The following ZRANB3 variants were observed in gnomAD, a reference collection of about 807,000 sequenced individuals.
The protein encoded by ZRANB3 is DNA annealing helicase and endonuclease ZRANB3.
A neutral mutation model predicts 133.8 loss-of-function variants in ZRANB3; 125 were observed. The observed-to-expected ratio is 0.93, with a 90% CI of 0.81 to 1.08. The LOEUF (loss-of-function observed/expected upper bound fraction) is 1.08, where lower values mean the gene tolerates loss of function less well. Ranked by LOEUF, ZRANB3 falls within the 50% of genes least tolerant of loss-of-function variation. The pLI is 0.00. For synonymous variants in ZRANB3, 387 were observed against 432.7 expected (o/e 0.89, Z 1.31); for missense variants, 1,229 against 1,275.5 (o/e 0.96, Z 0.56).
At chr2:135,466,617 T>C (rs1044620533) in intron 2 of ZRANB3, among the ~76,000 whole-genome samples, 11 of 152,012 alleles carry the variant, frequency 7.2e-5, no homozygotes, top group Non-Finnish European at 1.6e-4. Context: ...TTCTCTTTTT[T>C]ATTAAATGAT....
At chr2:135,444,093 T>C (rs1012606743) in intron 2 of ZRANB3, among the ~76,000 whole-genome samples, 1 of 150,184 alleles carries the variant, frequency 6.7e-6, no homozygotes, top group Non-Finnish European at 1.5e-5. Context: ...ATTATTAGAA[T>C]GGCTATAATC....
At chr2:135,257,839 G>A (rs1020958312) in intron 12 of ZRANB3, among the ~76,000 whole-genome samples, 5 of 152,166 alleles carry the variant, frequency 3.3e-5, no homozygotes, top group African/African-American at 7.2e-5. Flanking sequence ...GATTGGCAAA[G>A]TTATGAGAAC....
chr2:135,483,244 T>A (rs1312743491), intron 2 of ZRANB3, among the ~76,000 whole-genome samples: 1 of 152,108 alleles, frequency 6.6e-6, no homozygotes, highest in African/African-American at 2.4e-5. Context: ...ATACATCTGG[T>A]CCTGGACTCT....
chr2:135,420,111 AT>A (rs753274343), intron 2 of ZRANB3, among the ~76,000 whole-genome samples: 8,299 of 143,168 alleles, frequency 0.058, 573 homozygotes, highest in African/African-American at 0.15. Flanking sequence ...ATATATATAT[AT>A]ATATATATAT....
chr2:135,224,326 A>T, intron 15 of ZRANB3, 100 bp downstream of exon 15: 1 of 889,026 alleles, frequency 1.1e-6, no homozygotes, highest in South Asian at 2.3e-5. Context: ...AAATAACTAG[A>T]TGCTTATCTC....
At chr2:135,265,188 G>C (rs1466654901) in intron 12 of ZRANB3, among the ~76,000 whole-genome samples, 1 of 152,146 alleles carries the variant, frequency 6.6e-6, no homozygotes, top group Non-Finnish European at 1.5e-5. Flanking sequence ...AACAAAACCT[G>C]TGATTTCGAT....
intron 3 of ZRANB3, among the ~76,000 whole-genome samples, chr2:135,384,353 T>G (rs1240710233): frequency 6.6e-6 from 1 of 152,108 alleles, no homozygotes; most frequent in Non-Finnish European, 1.5e-5. Flanking sequence ...CAATAATTAA[T>G]AGATTAACAA....
intron 8 of ZRANB3, among the ~76,000 whole-genome samples, chr2:135,283,989 A>C (rs1212926675): frequency 6.6e-6 from 1 of 152,212 alleles, no homozygotes; most frequent in African/African-American, 2.4e-5. Context: ...ACCCTTAAAA[A>C]AAATCACTAA....
At chr2:135,315,620 G>GGAA in intron 6 of ZRANB3, 90 bp from the exon 7 acceptor site, 4 of 959,434 alleles carry the variant, frequency 4.2e-6, no homozygotes, top group South Asian at 2.5e-5. Flanking sequence ...TTAATGATAA[G>GGAA]GAGCCATGAC....
chr2:135,477,322 A>T (rs1453186775), intron 2 of ZRANB3, among the ~76,000 whole-genome samples: 1 of 152,206 alleles, frequency 6.6e-6, no homozygotes, highest in African/African-American at 2.4e-5. Flanking sequence ...GGAGTTTTCC[A>T]AAGTCTTAGT....
At position 135,392,948 on chromosome 2, in the gene ZRANB3, G is replaced by A. The variant is rs190972692; in HGVS notation, c.162-2128C>T. 5.6e-4 allele frequency among the ~76,000 whole-genome samples: 85 copies of A among 151,532 alleles called. 1 individual carries two copies. The highest frequency in any genetic ancestry group is 1.9e-3 in the African/African-American group (77 of 41,320). ...GGCTAGAGGGCAGTGGCACAATCAC[G>A]GCTCACTGCAGCCTTGACCTCTAAT... On this transcript the variant is annotated intron_variant, in intron 2 of 20. Transcript: ENST00000264159.
chr2:135,204,658 T>C (rs9678302), intron 19 of ZRANB3, among the ~76,000 whole-genome samples: 1 of 139,030 alleles, frequency 7.2e-6, no homozygotes, highest in African/African-American at 2.9e-5. Context: ...AAAATATATA[T>C]ATATACATAT....
At chr2:135,282,183 A>G (rs1264265623) in intron 8 of ZRANB3, among the ~76,000 whole-genome samples, 2 of 151,972 alleles carry the variant, frequency 1.3e-5, no homozygotes, top group Non-Finnish European at 2.9e-5. Context: ...GTGATAGTTG[A>G]TTTACTTACT....
intron 17 of ZRANB3, 40 bp from the exon 18 acceptor site, chr2:135,209,018 T>G: frequency 6.4e-7 from 1 of 1,568,040 alleles, no homozygotes; most frequent in Non-Finnish European, 8.8e-7. Context: ...CTCTATCTCA[T>G]ATAAAAATGT....
chr2:135,315,838 A>C (rs897075864), intron 6 of ZRANB3, among the ~76,000 whole-genome samples: 2 of 152,228 alleles, frequency 1.3e-5, no homozygotes, highest in African/African-American at 4.8e-5. Flanking sequence ...TGTTATTGGC[A>C]TTTTGAGTGG....
In ZRANB3 at chr2:135,248,396, C is replaced by T. The variant is rs143100913; in HGVS notation, c.1539+17138G>A. On this transcript the variant is annotated intron_variant, in intron 12 of 20. Coordinates refer to ENST00000264159, the MANE Select transcript of ZRANB3 (RefSeq NM_032143.4). Reference sequence around the variant, plus strand: ...AATGAGCAAAGTTCTCATGACAACACCAAAGGCAGTCTTAACAAAAGCAAC... The same window carrying T: ...AATGAGCAAAGTTCTCATGACAACATCAAAGGCAGTCTTAACAAAAGCAAC... Among the ~76,000 whole-genome samples, 453 of 152,270 alleles carry T rather than the reference C, an allele frequency of 3.0e-3. 3 individuals are homozygous for T. The highest frequency in any genetic ancestry group is 0.01 in the African/African-American group (422 of 41,562).
At chr2:135,322,930 T>C (rs1364114736) in intron 6 of ZRANB3, among the ~76,000 whole-genome samples, 1 of 152,010 alleles carries the variant, frequency 6.6e-6, no homozygotes, top group Non-Finnish European at 1.5e-5. Flanking sequence ...GACATGAGAA[T>C]TGTTTGAACC....
chr2:135,386,909 G>A (rs1224508498), intron 3 of ZRANB3, among the ~76,000 whole-genome samples: 4 of 151,808 alleles, frequency 2.6e-5, no homozygotes, highest in East Asian at 3.9e-4. Flanking sequence ...GTTGATGGGT[G>A]CAGCAAACCA....
intron 6 of ZRANB3, among the ~76,000 whole-genome samples, chr2:135,316,619 C>T (rs1048815957): frequency 6.6e-6 from 1 of 152,136 alleles, no homozygotes; most frequent in Admixed American, 6.6e-5. Context: ...AACTCGTTAA[C>T]ATTAGCTTTT....
Sources: gnomAD v4.1 joint callset for allele counts (sites outside exome capture counted in the v4.1 genomes callset) on GRCh38, gnomAD v4.1.1 for gene constraint, MANE v1.5 for transcripts, NCBI Gene and HGNC (gene_info 2026-07-23, HGNC 2026-07-21) for gene names.